The following XPO7 variants were observed in gnomAD, a reference collection of about 807,000 sequenced individuals.
The protein encoded by XPO7 is exportin 7, also known as exportin-7.
XPO7 carries 21 observed loss-of-function variants against 144.3 expected under a neutral mutation model. The ratio of observed to expected loss-of-function variants is 0.15; its 90% CI spans 0.10 to 0.21. The LOEUF (loss-of-function observed/expected upper bound fraction) is 0.21. XPO7 is among the 10% of genes least tolerant of loss of function. The pLI is 1.00. For synonymous variants in XPO7, 580 were observed against 499.6 expected (o/e 1.16, Z -2.15); for missense variants, 808 against 1,325.8 (o/e 0.61, Z 6.06).
chr8:21,971,964 T>C (rs370623624), intron 5 of XPO7, 23 bp downstream of exon 5: 24 of 1,608,534 alleles, frequency 1.5e-5, no homozygotes, highest in South Asian at 1.2e-4. Context: ...GCCTTCCTCA[T>C]TGAAGTAAGT....
chr8:21,928,705 G>T lies in XPO7; in HGVS notation c.18+8917G>T, dbSNP rs1307181947. Among the ~76,000 whole-genome samples the T allele has an allele frequency of 2.0e-5, 3 of 152,294 alleles. No individual in the cohort carries two copies. In the East Asian group the frequency reaches 5.8e-4, roughly 29 times the overall value. On this transcript the variant is annotated intron_variant, in intron 1 of 27. Coordinates refer to ENST00000252512, the MANE Select transcript of XPO7 (RefSeq NM_015024.5). ...ACCAGGCTGGTGTTTTGGCCTGACA[G>T]CCTGTTTTTGTATGGCCTGCACCCT... is the stretch of plus-strand genomic sequence containing the variant.
At chr8:21,932,650 ACTGT>A (rs895984995) in intron 1 of XPO7, among the ~76,000 whole-genome samples, 6 of 152,172 alleles carry the variant, frequency 3.9e-5, no homozygotes, top group Admixed American at 1.3e-4. Context: ...GCAAGTTAAA[ACTGT>A]CTGTCTTCTT....
chr8:21,932,062 C>T (rs1436287874), intron 1 of XPO7, among the ~76,000 whole-genome samples: 8 of 151,872 alleles, frequency 5.3e-5, no homozygotes, highest in African/African-American at 1.9e-4. Context: ...TTAGTAGAGA[C>T]GGAGTTTCAC....
intron 1 of XPO7, among the ~76,000 whole-genome samples, chr8:21,950,900 T>C (rs1413629554): frequency 1.3e-5 from 2 of 151,604 alleles, no homozygotes; most frequent in Non-Finnish European, 2.9e-5. Flanking sequence ...GGAGGGTGGA[T>C]CACTTGAGGC....
intron 1 of XPO7, among the ~76,000 whole-genome samples, chr8:21,927,754 C>T (rs1283041716): frequency 5.3e-5 from 8 of 151,856 alleles, no homozygotes; most frequent in African/African-American, 1.7e-4. Context: ...CATGTTGGTC[C>T]GACTGGTCTT....
At chr8:21,985,403 G>C (rs956604862) in intron 12 of XPO7, among the ~76,000 whole-genome samples, 183 bp from the exon 13 acceptor site, 1 of 152,196 alleles carries the variant, frequency 6.6e-6, no homozygotes, top group Non-Finnish European at 1.5e-5. Flanking sequence ...AGGAACATTG[G>C]TTACCTAACG....
chr8:21,973,321 A>C (rs1253918309), intron 5 of XPO7, among the ~76,000 whole-genome samples: 1 of 152,244 alleles, frequency 6.6e-6, no homozygotes, highest in Non-Finnish European at 1.5e-5. Flanking sequence ...AAAAACTTCA[A>C]GATTTTACTT....
rs377332368 is a variant in XPO7 at position 21,942,353 on chromosome 8, A to G, written c.18+22565A>G. Among the ~76,000 whole-genome samples, 9 of 152,324 alleles carry G rather than the reference A, an allele frequency of 5.9e-5. No individual in the cohort carries two copies. The East Asian group carries it at 1.2e-3, about 20-fold the overall frequency. On this transcript the variant is annotated intron_variant, in intron 1 of 27. Coordinates refer to ENST00000252512, the MANE Select transcript of XPO7 (RefSeq NM_015024.5). ...TAGAAATTAAAACAATTTTTAGAAT[A>G]TGTGATTCATTTAAAATAACCATCT...
chr8:21,991,191 T>C (rs541560751), intron 18 of XPO7, among the ~76,000 whole-genome samples: 1 of 152,338 alleles, frequency 6.6e-6, no homozygotes, highest in South Asian at 2.1e-4. Flanking sequence ...AATAAGGGAA[T>C]TGAGATTCCT....
At chr8:21,931,892 G>A (rs145109127) in intron 1 of XPO7, among the ~76,000 whole-genome samples, 2 of 152,226 alleles carry the variant, frequency 1.3e-5, no homozygotes, top group Non-Finnish European at 2.9e-5. Flanking sequence ...TTTATTTTGA[G>A]ACGAAGTCTT....
At chr8:21,925,826 C>T (rs1391840503) in intron 1 of XPO7, among the ~76,000 whole-genome samples, 1 of 152,160 alleles carries the variant, frequency 6.6e-6, no homozygotes, top group East Asian at 1.9e-4. Context: ...TGTAAAATTC[C>T]TTAAAATATT....
chr8:21,959,350 C>A (rs559659337), intron 1 of XPO7, among the ~76,000 whole-genome samples: 1 of 152,304 alleles, frequency 6.6e-6, no homozygotes, highest in African/African-American at 2.4e-5. Context: ...AGTGTACACA[C>A]ATTACTTCAT....
intron 1 of XPO7, among the ~76,000 whole-genome samples, chr8:21,944,227 A>G (rs920935166): frequency 1.3e-5 from 2 of 152,174 alleles, no homozygotes; most frequent in African/African-American, 2.4e-5. Context: ...TTCATTCAGT[A>G]TGCATTTATT....
intron 1 of XPO7, among the ~76,000 whole-genome samples, chr8:21,943,363 C>T (rs755826159): frequency 1.9e-4 from 29 of 152,104 alleles, no homozygotes; most frequent in Admixed American, 1.4e-3. Flanking sequence ...ATATTTGGGA[C>T]TGTAGTGTTA....
chr8:21,980,107 C>A lies in XPO7; in HGVS notation c.861C>A (p.Ile287=), dbSNP rs372502931. ...AGGTATTATCCTGCTTGGTACAGAT[C>A]GCTTCAGTCAGAAGATCCCTGTTTA... ...SPLVLSCLVQ[I]ASVRRSLFNN... is the part of the protein sequence containing the mutation. The change falls in exon 9 of 28, where the codon ATC becomes ATA. Residue 287 remains isoleucine, a synonymous_variant. Transcript: ENST00000252512. 1.9e-6 allele frequency: 3 copies of A among 1,600,874 alleles called. No homozygotes were observed. The highest frequency in any genetic ancestry group is 2.3e-5 in the South Asian group (2 of 88,590).
intron 5 of XPO7, among the ~76,000 whole-genome samples, chr8:21,974,230 G>T (rs1812156665): frequency 7.5e-6 from 1 of 133,876 alleles, no homozygotes; most frequent in Non-Finnish European, 1.7e-5. Context: ...TTTAGAGGTG[G>T]TGGGGGGTCT....
intron 1 of XPO7, among the ~76,000 whole-genome samples, chr8:21,951,429 G>T (rs2117290668): frequency 6.6e-6 from 1 of 151,830 alleles, no homozygotes; most frequent in East Asian, 1.9e-4. Flanking sequence ...ATTATAATAT[G>T]TTTAATCAAC....
intron 1 of XPO7, among the ~76,000 whole-genome samples, chr8:21,940,727 C>T (rs1585424557): frequency 6.6e-6 from 1 of 152,144 alleles, no homozygotes; most frequent in African/African-American, 2.4e-5. Context: ...CCTTGGCCTC[C>T]CAAAGTGCTG....
intron 5 of XPO7, among the ~76,000 whole-genome samples, chr8:21,973,999 C>T (rs17060689): frequency 1.3e-5 from 2 of 151,832 alleles, no homozygotes; most frequent in Middle Eastern, 3.2e-3. Flanking sequence ...GTAACTTCAG[C>T]GTTGAGGGTT....
Sources: gnomAD v4.1 joint callset for allele counts (sites outside exome capture counted in the v4.1 genomes callset) on GRCh38, gnomAD v4.1.1 for gene constraint, MANE v1.5 for transcripts, NCBI Gene and HGNC (gene_info 2026-07-23, HGNC 2026-07-21) for gene names.